Variants in TNS3 observed in about 807,000 individuals in gnomAD.
TNS3 encodes tensin-3.
Under a neutral mutation model 140.9 loss-of-function variants are expected in TNS3, and 45 were observed. The ratio of observed to expected loss-of-function variants is 0.32; its 90% CI spans 0.25 to 0.41. The LOEUF is 0.41. TNS3 is among the 10% of genes least tolerant of loss of function. TNS3 has a pLI of 1.00. For synonymous variants in TNS3, 815 were observed against 788.4 expected (o/e 1.03, Z -0.56); for missense variants, 1,716 against 1,906.7 (o/e 0.90, Z 1.86).
chr7:47,520,463 C>T (rs1027301949), intron 2 of TNS3, among the ~76,000 whole-genome samples: 1 of 152,192 alleles, frequency 6.6e-6, no homozygotes, highest in Admixed American at 6.5e-5. Flanking sequence ...TCAACTAACA[C>T]AACCCAGACG....
chr7:47,511,702 G>T (rs887799227), intron 2 of TNS3, among the ~76,000 whole-genome samples: 2 of 152,036 alleles, frequency 1.3e-5, no homozygotes, highest in African/African-American at 4.8e-5. Flanking sequence ...AATTCTCCCA[G>T]GGGCTTCTGG....
chr7:47,568,250 A>G (rs982056557), intron 1 of TNS3, among the ~76,000 whole-genome samples: 1 of 152,226 alleles, frequency 6.6e-6, no homozygotes, highest in African/African-American at 2.4e-5. Context: ...CAGCAGGCAC[A>G]TAGTCCTGAG....
At chr7:47,400,648 AT>A in intron 14 of TNS3, 136 bp downstream of exon 14, 1 of 1,454,998 alleles carries the variant, frequency 6.9e-7, no homozygotes. Flanking sequence ...ATCAATGATC[AT>A]TTTCTCCTAC....
At chr7:47,447,326 C>T (rs1454266276) in intron 4 of TNS3, among the ~76,000 whole-genome samples, 1 of 152,026 alleles carries the variant, frequency 6.6e-6, no homozygotes, top group Non-Finnish European at 1.5e-5. Flanking sequence ...CAGGACAGAG[C>T]ACTTCCTAGT....
At position 47,529,058 on chromosome 7, in the gene TNS3, G is replaced by A. The variant is rs761385452; in HGVS notation, c.-175C>T. On this transcript the variant is annotated 5_prime_UTR_variant, in exon 2 of 31. The change creates a new upstream start codon in the 5' untranslated region. Coordinates refer to ENST00000311160, the MANE Select transcript of TNS3 (RefSeq NM_022748.12). ...TACCTCGGCATGAAATACCTTGACC[G>A]TCAATAATTTGTTTGCAAACTCCAC... 2.6e-5 allele frequency: 34 copies of A among 1,287,766 alleles called. No homozygotes were observed. In the Admixed American group the frequency reaches 4.4e-4, roughly 17 times the overall value. The allele number at this position is 1,287,766 out of a possible 1,614,324, so 79.8% of individuals were successfully genotyped here.
At chr7:47,437,745 TACACACACACACACACACACACACAC>T (rs67341898) in intron 6 of TNS3, among the ~76,000 whole-genome samples, 2 of 135,814 alleles carry the variant, frequency 1.5e-5, no homozygotes, top group African/African-American at 5.5e-5. Flanking sequence ...ACATATAGGA[TACACACACACACACACACACACACAC>T]ACACACACAC....
chr7:47,417,967 C>T (rs1458907154), intron 10 of TNS3, among the ~76,000 whole-genome samples: 1 of 152,090 alleles, frequency 6.6e-6, no homozygotes, highest in African/African-American at 2.4e-5. Context: ...ACCATCAGTA[C>T]CAAAGAACAG....
chr7:47,291,234 C>T (rs545608492), intron 27 of TNS3, among the ~76,000 whole-genome samples: 1 of 152,282 alleles, frequency 6.6e-6, no homozygotes, highest in East Asian at 1.9e-4. Flanking sequence ...AAACTATTCA[C>T]TATGATACTG....
intron 17 of TNS3, among the ~76,000 whole-genome samples, chr7:47,363,098 C>T (rs1408959335): frequency 3.4e-3 from 2 of 590 alleles, no homozygotes; most frequent in Non-Finnish European, 0.011. Flanking sequence ...TCACAGTCAT[C>T]ACCATCATCA....
Position 47,406,217 on chromosome 7 carries a change from G to T in TNS3, c.724-5303C>A, listed in dbSNP as rs568226176. ...AAAAGCACACTGCAAAGATGGGATG[G>T]GTCAGGTGTGCAGCTGGGAGGGGCC... On this transcript the variant is annotated intron_variant, in intron 13 of 30. Transcript: ENST00000311160. 4.6e-5 allele frequency among the ~76,000 whole-genome samples: 7 copies of T among 152,298 alleles called. No individual in the cohort carries two copies. The South Asian group carries it at 1.5e-3, about 32-fold the overall frequency.
At chr7:47,338,471 C>A (rs923429796) in intron 20 of TNS3, among the ~76,000 whole-genome samples, 8 of 152,214 alleles carry the variant, frequency 5.3e-5, no homozygotes, top group Non-Finnish European at 8.8e-5. Context: ...GCCACCTCTA[C>A]GTCCTCTTCA....
chr7:47,544,486 T>C (rs1435379428), intron 1 of TNS3, among the ~76,000 whole-genome samples: 2 of 152,092 alleles, frequency 1.3e-5, no homozygotes, highest in Non-Finnish European at 1.5e-5. Context: ...ATGGGGTTAA[T>C]GCCTTTAAGA....
chr7:47,477,052 C>A (rs561047699), intron 4 of TNS3, among the ~76,000 whole-genome samples: 132 of 152,250 alleles, frequency 8.7e-4, no homozygotes, highest in South Asian at 5.4e-3. Flanking sequence ...TTAAATGCCC[C>A]GGGGAGCCAC....
chr7:47,396,974 TA>T, intron 15 of TNS3, 70 bp from the exon 16 acceptor site: 1 of 1,141,590 alleles, frequency 8.8e-7, no homozygotes, highest in Non-Finnish European at 1.3e-6. Context: ...GACTCCACCA[TA>T]AGGACAGGTG....
intron 8 of TNS3, among the ~76,000 whole-genome samples, chr7:47,432,250 A>T (rs1794962399): frequency 6.6e-6 from 1 of 152,200 alleles, no homozygotes; most frequent in South Asian, 2.1e-4. Flanking sequence ...TCTGTGGATT[A>T]ATTAACTAAT....
chr7:47,432,685 T>C (rs2151519752), intron 8 of TNS3, among the ~76,000 whole-genome samples: 1 of 152,320 alleles, frequency 6.6e-6, no homozygotes, highest in South Asian at 2.1e-4. Flanking sequence ...CATCCAAACC[T>C]ACCCCTGCAT....
At chr7:47,297,619 G>A (rs1200396028) in intron 23 of TNS3, among the ~76,000 whole-genome samples, 2 of 152,092 alleles carry the variant, frequency 1.3e-5, no homozygotes, top group African/African-American at 4.8e-5. Flanking sequence ...CGCTGAGTAA[G>A]AAACAAGACC....
At chr7:47,383,575 A>T (rs1200112594) in intron 16 of TNS3, among the ~76,000 whole-genome samples, 1 of 152,212 alleles carries the variant, frequency 6.6e-6, no homozygotes, top group Non-Finnish European at 1.5e-5. Context: ...AACAAATAAA[A>T]AGTAAGAACA....
chr7:47,279,283 T>A (rs1285647324), intron 30 of TNS3: 1 of 152,282 alleles, frequency 6.6e-6, no homozygotes, highest in African/African-American at 2.4e-5. Context: ...CAGCCCATTG[T>A]GCCTCCAAGT....
Sources: gnomAD v4.1 joint callset for allele counts (sites outside exome capture counted in the v4.1 genomes callset) on GRCh38, gnomAD v4.1.1 for gene constraint, MANE v1.5 for transcripts, NCBI Gene and HGNC (gene_info 2026-07-23, HGNC 2026-07-21) for gene names.